RFC3: variants seen among roughly 807,000 people sequenced by gnomAD.
RFC3 encodes replication factor C subunit 3.
RFC3 carries 41 observed loss-of-function variants against 45.1 expected under a neutral mutation model. The observed-to-expected ratio is 0.91, with a 90% confidence interval of 0.71 to 1.18. RFC3 has a LOEUF of 1.18. Among genes scored for constraint, RFC3 ranks in the 50% most tolerant of loss-of-function variants. RFC3 has a pLI of 0.00. For missense variants in RFC3, 423 were observed against 428.1 expected (o/e 0.99, Z 0.10); for synonymous variants, 149 against 144.0 (o/e 1.03, Z -0.25).
At chr13:33,972,395 G>T in the RFC3 span, among the ~76,000 whole-genome samples, 1 of 152,106 alleles carries the variant, frequency 6.6e-6, no homozygotes, top group Non-Finnish European at 1.5e-5. Flanking sequence ...TGTGTGTTCA[G>T]TCCTCAAAGA....
intron 8 of RFC3, among the ~76,000 whole-genome samples, chr13:33,956,852 C>T (rs897912881): frequency 3.3e-5 from 5 of 152,162 alleles, no homozygotes; most frequent in Admixed American, 6.5e-5. Context: ...GTGTTAGTTG[C>T]GAATAGGATA....
chr13:33,941,690 T>C (rs376094649), intron 8 of RFC3, among the ~76,000 whole-genome samples: 41 of 152,278 alleles, frequency 2.7e-4, no homozygotes, highest in African/African-American at 9.9e-4. Flanking sequence ...CTTTGGTGTT[T>C]AACAGTTTGC....
intron 8 of RFC3, among the ~76,000 whole-genome samples, chr13:33,882,530 G>A (rs2082491798): frequency 6.6e-6 from 1 of 152,122 alleles, no homozygotes; most frequent in African/African-American, 2.4e-5. Flanking sequence ...AGACAGAAAA[G>A]GGTTTGCTTC....
intron 8 of RFC3, among the ~76,000 whole-genome samples, chr13:33,864,382 C>T (rs1181744386): frequency 6.6e-6 from 1 of 152,138 alleles, no homozygotes; most frequent in African/African-American, 2.4e-5. Context: ...AGAATATCCT[C>T]TCAAGAACAC....
intron 8 of RFC3, among the ~76,000 whole-genome samples, chr13:33,945,926 G>T (rs537992324): frequency 1.3e-5 from 2 of 152,266 alleles, no homozygotes; most frequent in Admixed American, 1.3e-4. Context: ...TATATATCCA[G>T]ATGGAGAATC....
At chr13:33,947,128 G>C (rs1339016453) in intron 8 of RFC3, among the ~76,000 whole-genome samples, 1 of 152,192 alleles carries the variant, frequency 6.6e-6, no homozygotes, top group African/African-American at 2.4e-5. Context: ...TTGGCTCTGT[G>C]TCCCCACCCA....
At chr13:33,952,090 T>G (rs1263688243) in intron 8 of RFC3, among the ~76,000 whole-genome samples, 1 of 152,236 alleles carries the variant, frequency 6.6e-6, no homozygotes, top group African/African-American at 2.4e-5. Flanking sequence ...AGCACTGTAC[T>G]TGGTGCCACA....
intron 2 of RFC3, among the ~76,000 whole-genome samples, chr13:33,823,534 T>A (rs906039835): frequency 6.6e-6 from 1 of 152,180 alleles, no homozygotes; most frequent in Non-Finnish European, 1.5e-5. Context: ...TTTTAATTTT[T>A]ATTTTTTACA....
chr13:33,831,420 AT>A (rs2082103177), intron 7 of RFC3, 66 bp downstream of exon 7: 2 of 807,178 alleles, frequency 2.5e-6, no homozygotes, highest in Non-Finnish European at 4.2e-6. Flanking sequence ...CATATTAACT[AT>A]TTTATGCTAA....
intron 8 of RFC3, among the ~76,000 whole-genome samples, chr13:33,905,646 A>G (rs1180732647): frequency 1.3e-5 from 2 of 152,060 alleles, no homozygotes; most frequent in Admixed American, 1.3e-4. Context: ...CATGGTACAG[A>G]TGATTGCTAC....
intron 8 of RFC3, among the ~76,000 whole-genome samples, chr13:33,867,147 A>G (rs1296568922): frequency 6.6e-6 from 1 of 152,188 alleles, no homozygotes. Flanking sequence ...CCATCACTAG[A>G]AGCAGTTAGC....
chr13:33,927,291 C>T (rs971712232), intron 8 of RFC3, among the ~76,000 whole-genome samples: 7 of 151,402 alleles, frequency 4.6e-5, no homozygotes, highest in African/African-American at 1.5e-4. Context: ...GATGGCCTCT[C>T]ATAAGTCCTA....
intron 8 of RFC3, chr13:33,849,986 A>G (rs2082266226): frequency 6.6e-6 from 1 of 152,116 alleles, no homozygotes; most frequent in Non-Finnish European, 1.5e-5. Flanking sequence ...ACATGTTAAC[A>G]TTTGTCTGTT....
chr13:33,835,301 A>G lies in RFC3; in HGVS notation c.879+84A>G, dbSNP rs780789577. 18 of 827,984 alleles carry G rather than the reference A, an allele frequency of 2.2e-5. No individual in the cohort carries two copies. The African/African-American group carries it at 2.7e-4, about 12-fold the overall frequency. 51.3% of individuals were successfully genotyped at this position (827,984 alleles called of 1,614,324 possible). The stretch of plus-strand genomic sequence containing the variant: ...TGATCATAGGGCTTTTTGCAGTATC[A>G]AGATATCACCTCTTTCTCTCCAGCG... On this transcript the variant is annotated intron_variant, in intron 8 of 8. Transcript: ENST00000380071.
At chr13:33,941,298 C>T (rs1415124627) in intron 8 of RFC3, among the ~76,000 whole-genome samples, 1 of 152,048 alleles carries the variant, frequency 6.6e-6, no homozygotes, top group Non-Finnish European at 1.5e-5. Flanking sequence ...TGTCTGCGCA[C>T]CTAATCCTTT....
chr13:33,912,815 G>C (rs1201419244), intron 8 of RFC3, among the ~76,000 whole-genome samples: 1 of 152,066 alleles, frequency 6.6e-6, no homozygotes, highest in East Asian at 1.9e-4. Flanking sequence ...ACCAAGAGTG[G>C]GTGCAGGAAT....
At chr13:33,842,788 A>G (rs545698670) in intron 8 of RFC3, among the ~76,000 whole-genome samples, 2 of 152,216 alleles carry the variant, frequency 1.3e-5, no homozygotes, top group Non-Finnish European at 2.9e-5. Flanking sequence ...GGGCAAGCCC[A>G]TTAACAGTTA....
At chr13:33,852,749 A>T (rs1408662278) in intron 8 of RFC3, among the ~76,000 whole-genome samples, 1 of 152,164 alleles carries the variant, frequency 6.6e-6, no homozygotes, top group Admixed American at 6.5e-5. Context: ...ACTTGTTTGC[A>T]TTTGGCTTTG....
intron 8 of RFC3, among the ~76,000 whole-genome samples, chr13:33,952,275 T>C (rs1349558099): frequency 1.3e-5 from 2 of 152,240 alleles, no homozygotes; most frequent in African/African-American, 4.8e-5. Flanking sequence ...GATTCATTTT[T>C]ATTGAAAAAT....
Sources: gnomAD v4.1 joint callset for allele counts (sites outside exome capture counted in the v4.1 genomes callset) on GRCh38, gnomAD v4.1.1 for gene constraint, MANE v1.5 for transcripts, NCBI Gene and HGNC (gene_info 2026-07-23, HGNC 2026-07-21) for gene names.